The following CYP7A1 variants were observed in gnomAD, a reference collection of about 807,000 sequenced individuals.
The protein encoded by CYP7A1 is cytochrome P450 7A1.
A neutral mutation model predicts 43.8 loss-of-function variants in CYP7A1; 28 were observed. That is an observed-to-expected ratio of 0.64 (90% CI 0.47 to 0.88). The LOEUF (loss-of-function observed/expected upper bound fraction) is 0.88. Ranked by LOEUF, CYP7A1 falls within the 40% of genes least tolerant of loss-of-function variation. The probability of loss-of-function intolerance (pLI) is 0.00; values close to 1 mark genes in which losing one functional copy is unlikely to be tolerated. For synonymous variants in CYP7A1, 227 were observed against 222.5 expected (o/e 1.02, Z -0.18); for missense variants, 637 against 611.9 (o/e 1.04, Z -0.43).
chr8:58,496,469 C>T (rs1039204486), intron 3 of CYP7A1, 135 bp downstream of exon 3: 2 of 678,768 alleles, frequency 2.9e-6, no homozygotes, highest in African/African-American at 3.6e-5. Flanking sequence ...ATGTTAAACA[C>T]TAACATGCAT....
In CYP7A1 at chr8:58,494,532, G is replaced by C; in HGVS notation, c.1013C>G (p.Ala338Gly). Residue 338 changes from alanine (A) to glycine (G), a missense_variant, in exon 4 of 6, where the codon GCA (alanine) becomes GGA (glycine). By Grantham distance (60) the Ala-to-Gly change is moderately conservative. Transcript: ENST00000301645. ...TAATACTGGCAGGTCATTCAGTTCT[G>C]CTTGACTCAAACAAATAGGATTGCC... The part of the protein sequence containing the change: ...LEGNPICLSQ[A>G]ELNDLPVLDS... The C allele has an allele frequency of 6.2e-7, 1 of 1,614,072 alleles. No individual in the cohort carries two copies. Among genetic ancestry groups the C allele is most frequent in the Middle Eastern group, 1.6e-4 (1 of 6,062 alleles).
rs1197424370 is a variant in CYP7A1 at position 58,491,439 on chromosome 8, A to G, written c.*36T>C. 6.3e-7 allele frequency: 1 copy of G among 1,588,340 alleles called. No homozygotes were observed. The highest frequency in any genetic ancestry group is 8.6e-7 in the Non-Finnish European group (1 of 1,158,276). On this transcript the variant is annotated 3_prime_UTR_variant, in exon 6 of 6. Transcript: ENST00000301645. ...TGGTGAGGGTGTTCTGCAGTCCTGT[A>G]ATATCATCTAGTGTCCTCTTATTCC...
chr8:58,492,250 G>T, intron 5 of CYP7A1, 103 bp downstream of exon 5: 1 of 1,071,786 alleles, frequency 9.3e-7, no homozygotes, highest in Non-Finnish European at 1.5e-6. Flanking sequence ...GACAATTCCT[G>T]TGACTACAAT....
intron 4 of CYP7A1, among the ~76,000 whole-genome samples, chr8:58,494,185 C>T (rs1436703256): frequency 6.6e-6 from 1 of 151,996 alleles, no homozygotes; most frequent in East Asian, 1.9e-4. Context: ...CTTCCATTAA[C>T]CATCAGATTA....
Position 58,497,113 on chromosome 8 carries a change from C to A in CYP7A1, c.399G>T (p.Leu133=), listed in dbSNP as rs202099580. 1.0e-5 allele frequency: 16 copies of A among 1,600,174 alleles called. No individual in the cohort carries two copies. The highest frequency in any genetic ancestry group is 1.3e-5 in the Non-Finnish European group (15 of 1,179,952). The change falls in exon 3 of 6, where the codon CTG becomes CTT. Residue 133 remains leucine (L), a synonymous_variant. Coordinates refer to ENST00000301645, the MANE Select transcript of CYP7A1 (RefSeq NM_000780.4). The part of the protein sequence containing the change: ...ENINDTFIKT[L]QGHALNSLTE... ...TGAGGGAATTCAAGGCATGGCCCTG[C>A]AGGGTTTTGATGAAAGTGTCGTTTA... is the stretch of plus-strand genomic sequence containing the variant.
At chr8:58,494,727 T>C (rs1470221822) in intron 3 of CYP7A1, 91 bp from the exon 4 acceptor site, 1 of 1,209,476 alleles carries the variant, frequency 8.3e-7, no homozygotes, top group African/African-American at 1.5e-5. Flanking sequence ...TTCCCCCTTC[T>C]TTTAACTAGA....
chr8:58,496,335 C>T (rs915206098), intron 3 of CYP7A1, among the ~76,000 whole-genome samples: 6 of 152,202 alleles, frequency 3.9e-5, no homozygotes, highest in African/African-American at 9.7e-5. Flanking sequence ...TGACCCAACA[C>T]CAGCACATAC....
intron 4 of CYP7A1, among the ~76,000 whole-genome samples, chr8:58,494,099 C>T (rs1186056372): frequency 1.3e-5 from 2 of 152,172 alleles, no homozygotes; most frequent in Admixed American, 6.5e-5. Flanking sequence ...TCAAATCCAT[C>T]ACTCAATCCA....
rs777312596 is a variant in CYP7A1 at position 58,498,484 on chromosome 8, T to G, written c.81-15A>C. The G allele has an allele frequency of 1.2e-6, 2 of 1,613,878 alleles. No individual in the cohort carries two copies. The highest frequency in any genetic ancestry group is 1.7e-6 in the Non-Finnish European group (2 of 1,179,858). On this transcript the variant is annotated splice_polypyrimidine_tract_variant and intron_variant, in intron 1 of 5. Transcript: ENST00000301645. ...CACCCGTTTGCCTGTCAGACACAAG[T>G]GTATGATAGACATGGATGATTACAG...
At position 58,496,822 on chromosome 8, in the gene CYP7A1, A is replaced by T. The variant is rs1809449761; in HGVS notation, c.690T>A (p.Thr230=). ...VAGLPIHMFR[T]AHNAREKLAE... ...CCAGTTTCTCCCGGGCATTGTGCGCAGTCCTGAACATGTGAATGGGGAGGC... is the reference window on the plus strand; with the variant it reads ...CCAGTTTCTCCCGGGCATTGTGCGCTGTCCTGAACATGTGAATGGGGAGGC... Residue 230 remains threonine, a synonymous_variant, in exon 3 of 6, where the codon ACT becomes ACA. Transcript: ENST00000301645. 1.2e-6 allele frequency: 2 copies of T among 1,614,228 alleles called. No individual in the cohort carries two copies. Among genetic ancestry groups the T allele is most frequent in the Non-Finnish European group, 8.5e-7 (1 of 1,180,046 alleles).
chr8:58,491,903 C>G, intron 5 of CYP7A1, 129 bp from the exon 6 acceptor site: 1 of 754,136 alleles, frequency 1.3e-6, no homozygotes, highest in Non-Finnish European at 2.2e-6. Context: ...AGCAAATACT[C>G]CACATTGAAT....
Position 58,500,028 on chromosome 8 carries a change from A to G in CYP7A1, c.71T>C (p.Ile24Thr). The change falls in exon 1 of 6, where the codon ATT becomes ACT. Residue 24 changes from isoleucine to threonine, a missense_variant. Ile to Thr is a moderately conservative substitution (Grantham distance 89). Coordinates refer to ENST00000301645, the MANE Select transcript of CYP7A1 (RefSeq NM_000780.4). ...ACCCLWLILG[I>T]RRRQTGEPPL... ...ATAAAACATTACTTACCTTCTCCTAATTCCAAGAATAAGCCATAGACAACA... is the reference window on the plus strand; with the variant it reads ...ATAAAACATTACTTACCTTCTCCTAGTTCCAAGAATAAGCCATAGACAACA... 1 of 1,611,636 alleles carries G rather than the reference A, an allele frequency of 6.2e-7. No homozygotes were observed. The highest frequency in any genetic ancestry group is 8.5e-7 in the Non-Finnish European group (1 of 1,177,974).
intron 3 of CYP7A1, among the ~76,000 whole-genome samples, chr8:58,495,463 T>C (rs976310500): frequency 4.6e-5 from 7 of 152,084 alleles, no homozygotes; most frequent in Non-Finnish European, 5.9e-5. Context: ...CTCCTGACCT[T>C]GTGATCCGCC....
chr8:58,492,620 T>G, intron 4 of CYP7A1, 92 bp from the exon 5 acceptor site: 4 of 1,031,768 alleles, frequency 3.9e-6, no homozygotes, highest in African/African-American at 1.6e-5. Flanking sequence ...GGTCATATGA[T>G]ATAGAGTCTG....
intron 5 of CYP7A1, among the ~76,000 whole-genome samples, 190 bp from the exon 6 acceptor site, chr8:58,491,964 A>G (rs1192992222): frequency 6.6e-6 from 1 of 152,152 alleles, no homozygotes; most frequent in Non-Finnish European, 1.5e-5. Flanking sequence ...GCCTTGTGAT[A>G]CCTCCTATCC....
At chr8:58,494,419 A>G (rs1267896378) in intron 4 of CYP7A1, 87 bp downstream of exon 4, 42 of 1,424,036 alleles carry the variant, frequency 2.9e-5, no homozygotes, top group Admixed American at 6.7e-5. Flanking sequence ...AATGCCTAGA[A>G]TTCGGTAAGT....
chr8:58,495,215 T>TTTTATTTATTTATTTACTTATTTATTTA (rs1809420380), intron 3 of CYP7A1, among the ~76,000 whole-genome samples: 1 of 143,404 alleles, frequency 7.0e-6, no homozygotes, highest in African/African-American at 2.6e-5. Context: ...TTTATTTTAT[T>TTTTATTTATTTATTTACTTATTTATTTA]TTTATTTATT....
At position 58,496,604 on chromosome 8, in the gene CYP7A1, C is replaced by T. The variant is rs142476981; in HGVS notation, c.908G>A (p.Arg303Lys). The change falls in exon 3 of 6, where the codon AGG becomes AAG. Residue 303 changes from arginine to lysine, a missense_variant and splice_region_variant. Arg to Lys is a conservative substitution (Grantham distance 26). Coordinates refer to ENST00000301645, the MANE Select transcript of CYP7A1 (RefSeq NM_000780.4). ...AAGAAATGGATATGGCGTTAGTCAC[C>T]TAATCATTTGAAATAAACTCCAGAA... ...ATFWSLFQMI[R>K]NPEAMKAATE... 1 of 1,610,982 alleles carries T rather than the reference C, an allele frequency of 6.2e-7. No individual in the cohort carries two copies. Among genetic ancestry groups the T allele is most frequent in the Non-Finnish European group, 8.5e-7 (1 of 1,177,572 alleles).
chr8:58,498,358 AC>A lies in CYP7A1; in HGVS notation c.191del (p.Gly64ValfsTer8). On this transcript the variant is annotated frameshift_variant, in exon 2 of 6. Coordinates refer to ENST00000301645, the MANE Select transcript of CYP7A1 (RefSeq NM_000780.4). LOFTEE classifies it high-confidence loss of function. ...EFLRANQRKHGHVFTCKLMGK... is the reference protein window; with the variant it reads ...EFLRANQRKHXHVFTCKLMGK... ...CCATTAGTTTGCAGGTAAAAACATG[AC>A]CATGTTTCCTTTGATTTGCTCTGAG... 4.3e-6 allele frequency: 7 copies of A among 1,614,144 alleles called. No individual in the cohort carries two copies. Among genetic ancestry groups the A allele is most frequent in the Non-Finnish European group, 5.9e-6 (7 of 1,180,004 alleles).
Sources: allele counts gnomAD v4.1 joint callset (sites outside exome capture counted in the v4.1 genomes callset), GRCh38; gene constraint gnomAD v4.1.1; transcripts MANE v1.5; gene names NCBI Gene and HGNC (gene_info 2026-07-23, HGNC 2026-07-21).